The following CDH4 variants were observed in gnomAD, a reference collection of about 807,000 sequenced individuals.
CDH4 encodes the protein cadherin 4.
CDH4 carries 33 observed loss-of-function variants against 86.0 expected under a neutral mutation model. That is an observed-to-expected ratio of 0.38 (90% confidence interval 0.29 to 0.51). The LOEUF (loss-of-function observed/expected upper bound fraction) is 0.51. Among genes scored for constraint, CDH4 ranks in the 20% least tolerant of loss-of-function variants. CDH4 has a pLI of 0.86. For synonymous variants in CDH4, 555 were observed against 549.4 expected (o/e 1.01, Z -0.14); for missense variants, 1,114 against 1,307.4 (o/e 0.85, Z 2.28).
chr20:61,354,797 A>G (rs2084737740), intron 2 of CDH4, among the ~76,000 whole-genome samples: 1 of 152,224 alleles, frequency 6.6e-6, no homozygotes, highest in African/African-American at 2.4e-5. Context: ...CTACACTCCT[A>G]GTCACACTGT....
intron 2 of CDH4, among the ~76,000 whole-genome samples, chr20:61,713,969 A>G (rs1006064512): frequency 2.0e-5 from 3 of 152,100 alleles, no homozygotes; most frequent in African/African-American, 7.2e-5. Context: ...ATCAGCCTCT[A>G]TCTGAATGGG....
At chr20:61,451,715 G>T (rs973831746) in intron 2 of CDH4, among the ~76,000 whole-genome samples, 1 of 152,028 alleles carries the variant, frequency 6.6e-6, no homozygotes, top group East Asian at 1.9e-4. Context: ...GAGGAGGAGG[G>T]GGTAGGAGGC....
intron 13 of CDH4, among the ~76,000 whole-genome samples, 194 bp from the exon 14 acceptor site, chr20:61,932,791 A>G (rs1170326275): frequency 2.0e-5 from 3 of 152,208 alleles, no homozygotes. Context: ...ATGTGCACAG[A>G]TGTGTCCTTG....
At chr20:61,564,143 C>T (rs2086244123) in intron 2 of CDH4, among the ~76,000 whole-genome samples, 1 of 152,148 alleles carries the variant, frequency 6.6e-6, no homozygotes, top group Admixed American at 6.5e-5. Context: ...GGGTTTAGGG[C>T]CTACCCTAAA....
chr20:61,351,256 T>C (rs2084710583), intron 2 of CDH4, among the ~76,000 whole-genome samples: 2 of 152,164 alleles, frequency 1.3e-5, no homozygotes, highest in South Asian at 4.1e-4. Context: ...TTCTTGTCAT[T>C]CTTCCCTACA....
At chr20:61,644,836 G>A (rs955050275) in intron 2 of CDH4, among the ~76,000 whole-genome samples, 11 of 152,154 alleles carry the variant, frequency 7.2e-5, no homozygotes, top group East Asian at 1.9e-4. Flanking sequence ...CCTCCTCCCC[G>A]GCCTGTCCAG....
At chr20:61,259,267 GC>G (rs1445241638) in intron 2 of CDH4, among the ~76,000 whole-genome samples, 5 of 152,204 alleles carry the variant, frequency 3.3e-5, no homozygotes, top group South Asian at 4.1e-4. Flanking sequence ...TGCCATTTCT[GC>G]CACACTGCAT....
chr20:61,923,439 C>G lies in CDH4; in HGVS notation c.1375-12C>G, dbSNP rs1488825533. The G allele has an allele frequency of 1.2e-6, 2 of 1,613,694 alleles. No individual in the cohort carries two copies. The highest frequency in any genetic ancestry group is 8.5e-7 in the Non-Finnish European group (1 of 1,179,684). On this transcript the variant is annotated splice_polypyrimidine_tract_variant and intron_variant, in intron 9 of 15. Transcript: ENST00000614565. ...GTGCCAGGTCACTCCCAGCCCTGAT[C>G]TGTTGTTCCAGGCAGTCGACTACGA...
At chr20:61,297,498 A>C (rs140595717) in intron 2 of CDH4, among the ~76,000 whole-genome samples, 1 of 152,218 alleles carries the variant, frequency 6.6e-6, no homozygotes, top group Non-Finnish European at 1.5e-5. Context: ...CACCATGAAC[A>C]TATCTCAGAG....
intron 2 of CDH4, among the ~76,000 whole-genome samples, chr20:61,542,146 T>A (rs2086044325): frequency 6.6e-6 from 1 of 152,140 alleles, no homozygotes; most frequent in South Asian, 2.1e-4. Context: ...AAAAATCAAC[T>A]CATACTGGGT....
intron 2 of CDH4, among the ~76,000 whole-genome samples, chr20:61,361,850 TC>T (rs1437639537): frequency 2.6e-5 from 4 of 152,192 alleles, no homozygotes; most frequent in African/African-American, 9.7e-5. Flanking sequence ...CACATAGCTT[TC>T]TCTCATGCCC....
intron 9 of CDH4, among the ~76,000 whole-genome samples, chr20:61,914,017 C>T (rs951630697): frequency 2.6e-5 from 4 of 152,186 alleles, no homozygotes; most frequent in Admixed American, 6.5e-5. Flanking sequence ...GTCTACAGAA[C>T]GCTGGTTCTC....
At chr20:61,749,262 C>A (rs1178788693) in intron 3 of CDH4, among the ~76,000 whole-genome samples, 1 of 152,116 alleles carries the variant, frequency 6.6e-6, no homozygotes, top group Admixed American at 6.5e-5. Context: ...AGTAACTATG[C>A]AATCAGTGGT....
intron 2 of CDH4, among the ~76,000 whole-genome samples, chr20:61,643,814 A>T (rs6089450): frequency 6.6e-6 from 1 of 152,086 alleles, no homozygotes; most frequent in African/African-American, 2.4e-5. Flanking sequence ...AATCCATCTG[A>T]GTTCCCCTCG....
intron 2 of CDH4, among the ~76,000 whole-genome samples, chr20:61,695,374 G>A (rs2087705254): frequency 6.6e-6 from 1 of 152,178 alleles, no homozygotes; most frequent in Non-Finnish European, 1.5e-5. Context: ...ACGGGGCCCT[G>A]CAAACTCACA....
At chr20:61,339,877 A>G (rs1568804772) in intron 2 of CDH4, among the ~76,000 whole-genome samples, 1 of 152,342 alleles carries the variant, frequency 6.6e-6, no homozygotes, top group East Asian at 1.9e-4. Flanking sequence ...AGTGTGCCCT[A>G]TAGAGCAACT....
intron 2 of CDH4, among the ~76,000 whole-genome samples, chr20:61,727,991 C>T (rs1202891078): frequency 6.6e-6 from 1 of 152,200 alleles, no homozygotes; most frequent in African/African-American, 2.4e-5. Context: ...GACTCACTCC[C>T]AGCAGTGTAG....
chr20:61,510,274 G>T lies in CDH4; in HGVS notation c.170-233289G>T, dbSNP rs552759977. Among the ~76,000 whole-genome samples the T allele has an allele frequency of 3.3e-5, 5 of 152,306 alleles. No homozygotes were observed. In the East Asian group the frequency reaches 9.6e-4, roughly 29 times the overall value. Reference sequence around the variant, plus strand: ...GAGAATGTTACTTGGTGTGTGCTTTGTGTTTTGGGGGGGCCAGGAACGTGC... The same window carrying T: ...GAGAATGTTACTTGGTGTGTGCTTTTTGTTTTGGGGGGGCCAGGAACGTGC... On this transcript the variant is annotated intron_variant, in intron 2 of 15. Coordinates refer to ENST00000614565, the MANE Select transcript of CDH4 (RefSeq NM_001794.5). The surrounding 1 kb of genome is among the most constrained non-coding windows in gnomAD (Gnocchi z 4.2).
chr20:61,296,075 G>A (rs2084350395), intron 2 of CDH4, among the ~76,000 whole-genome samples: 2 of 152,188 alleles, frequency 1.3e-5, no homozygotes, highest in Admixed American at 1.3e-4. Flanking sequence ...AGGGGGAGTG[G>A]CCTGCGAGAA....
Sources: gnomAD v4.1 joint callset for allele counts (sites outside exome capture counted in the v4.1 genomes callset) on GRCh38, gnomAD v4.1.1 for gene constraint, Gnocchi (gnomAD v3.1) non-coding constraint, MANE v1.5 for transcripts, NCBI Gene and HGNC (gene_info 2026-07-23, HGNC 2026-07-21) for gene names.